Variants in SMYD2 observed in about 807,000 individuals in gnomAD.
SMYD2 encodes SET and MYND domain containing 2.
A neutral mutation model predicts 59.1 loss-of-function variants in SMYD2; 53 were observed. The observed-to-expected ratio is 0.90, with a 90% CI of 0.72 to 1.13. The LOEUF (loss-of-function observed/expected upper bound fraction) is 1.13, where lower values mean the gene tolerates loss of function less well. SMYD2 is among the 50% of genes most tolerant of loss of function. The pLI, the probability that SMYD2 is intolerant of heterozygous loss-of-function variation, is 0.00. For missense variants in SMYD2, 494 were observed against 544.7 expected (o/e 0.91, Z 0.93); for synonymous variants, 208 against 198.8 (o/e 1.05, Z -0.39).
At chr1:214,293,686 C>A (rs576740270) in intron 1 of SMYD2, among the ~76,000 whole-genome samples, 1 of 151,920 alleles carries the variant, frequency 6.6e-6, no homozygotes, top group Non-Finnish European at 1.5e-5. Flanking sequence ...CCAAATAACT[C>A]TTTTTTTGAG....
At chr1:214,284,248 G>A (rs376995808) in intron 1 of SMYD2, among the ~76,000 whole-genome samples, 8 of 130,016 alleles carry the variant, frequency 6.2e-5, no homozygotes, top group Admixed American at 4.1e-4. Context: ...ACCATTTTTT[G>A]GTGTGGTTTT....
At chr1:214,315,190 A>G (rs1273984013) in intron 3 of SMYD2, among the ~76,000 whole-genome samples, 1 of 152,206 alleles carries the variant, frequency 6.6e-6, no homozygotes, top group Non-Finnish European at 1.5e-5. Context: ...AGAGCTTCCT[A>G]GGGAACCAGA....
chr1:214,301,404 C>T (rs1486557814), intron 1 of SMYD2, among the ~76,000 whole-genome samples: 1 of 152,126 alleles, frequency 6.6e-6, no homozygotes, highest in East Asian at 1.9e-4. Flanking sequence ...GTTTACCTTG[C>T]ACTTGGAATG....
At chr1:214,326,840 C>T (rs188176185) in intron 6 of SMYD2, among the ~76,000 whole-genome samples, 1 of 152,288 alleles carries the variant, frequency 6.6e-6, no homozygotes, top group East Asian at 1.9e-4. Flanking sequence ...GCATGAGCCC[C>T]AGTTTCTGGG....
intron 10 of SMYD2, 51 bp from the exon 11 acceptor site, chr1:214,334,149 C>T (rs557658380): frequency 7.9e-5 from 121 of 1,536,546 alleles, no homozygotes; most frequent in Non-Finnish European, 9.7e-5. Context: ...GCCTGTGGGG[C>T]GGCTCAGTAG....
intron 1 of SMYD2, among the ~76,000 whole-genome samples, chr1:214,298,342 G>A (rs1043408877): frequency 1.1e-4 from 16 of 152,278 alleles, no homozygotes; most frequent in South Asian, 4.1e-4. Context: ...GGGATGACTG[G>A]CTAGCCATAT....
intron 3 of SMYD2, among the ~76,000 whole-genome samples, chr1:214,316,984 G>A (rs1657096395): frequency 6.6e-6 from 1 of 152,128 alleles, no homozygotes; most frequent in South Asian, 2.1e-4. Context: ...GGCCAAGCTG[G>A]TGTTTTATTA....
intron 2 of SMYD2, among the ~76,000 whole-genome samples, chr1:214,305,690 C>T (rs1244902442): frequency 2.7e-5 from 4 of 149,670 alleles, no homozygotes; most frequent in Non-Finnish European, 5.9e-5. Context: ...AGATGATCCC[C>T]TAGTCCAGCC....
intron 2 of SMYD2, among the ~76,000 whole-genome samples, chr1:214,307,840 C>T (rs1656938699): frequency 1.3e-5 from 2 of 152,194 alleles, no homozygotes. Context: ...ACCAATATCC[C>T]AACCTGTATG....
chr1:214,333,935 C>A lies in SMYD2; in HGVS notation c.1113-265C>A, dbSNP rs569020137. The A allele has an allele frequency of 7.1e-5, 23 of 326,234 alleles. 1 individual carries two copies. The South Asian group carries it at 1.2e-3, about 17-fold the overall frequency. The allele number at this position is 326,234 out of a possible 1,614,324, so 20.2% of individuals were successfully genotyped here. A position where few individuals can be genotyped will look rare whatever the true frequency, so the allele number is the denominator to read the frequency against. ...GGACTGGGATTGAAGATTGTGTTTA[C>A]AAATGCTTTTGAATAGGATTTCTCC... On this transcript the variant is annotated intron_variant, in intron 10 of 11. Coordinates refer to ENST00000366957, the MANE Select transcript of SMYD2 (RefSeq NM_020197.3).
At chr1:214,314,173 C>T (rs1410432941) in intron 2 of SMYD2, among the ~76,000 whole-genome samples, 1 of 149,286 alleles carries the variant, frequency 6.7e-6, no homozygotes, top group African/African-American at 2.5e-5. Flanking sequence ...GAGACTCTGT[C>T]TCAAAAAAAA....
chr1:214,290,324 G>C (rs750511419), intron 1 of SMYD2, among the ~76,000 whole-genome samples: 5 of 152,124 alleles, frequency 3.3e-5, no homozygotes, highest in Non-Finnish European at 7.4e-5. Context: ...TAAAAATAGC[G>C]TGGAACTCCT....
rs77702769 is a variant in SMYD2, at chr1:214,312,970, G to A, written c.238-1792G>A. ...CAGTGGCAGGACATTAGTCATGAGA[G>A]ATGTTGGGGCTGCAGCCGGGTAGAA... On this transcript the variant is annotated intron_variant, in intron 2 of 11. Coordinates refer to ENST00000366957, the MANE Select transcript of SMYD2 (RefSeq NM_020197.3). This position sits in a 1 kb window ranked among gnomAD's most constrained non-coding sequence, Gnocchi z 4.1. 8.0e-4 allele frequency among the ~76,000 whole-genome samples: 122 copies of A among 152,334 alleles called. No homozygotes were observed. The highest frequency in any genetic ancestry group is 2.8e-3 in the African/African-American group (117 of 41,574).
chr1:214,322,359 T>C (rs936239159), intron 5 of SMYD2, among the ~76,000 whole-genome samples: 3 of 152,202 alleles, frequency 2.0e-5, no homozygotes, highest in Admixed American at 2.0e-4. Context: ...TGGTTAATGG[T>C]TGTTAGTCAA....
intron 2 of SMYD2, among the ~76,000 whole-genome samples, chr1:214,306,933 G>T (rs1413496098): frequency 6.6e-6 from 1 of 152,178 alleles, no homozygotes; most frequent in Non-Finnish European, 1.5e-5. Context: ...TACTTTGGGG[G>T]GCCAAGGCAG....
At chr1:214,321,964 C>T (rs2102472965) in intron 5 of SMYD2, among the ~76,000 whole-genome samples, 1 of 152,246 alleles carries the variant, frequency 6.6e-6, no homozygotes, top group African/African-American at 2.4e-5. Flanking sequence ...CTTGAAGAAA[C>T]ACAAGCAGTC....
chr1:214,319,011 C>T (rs770994208), intron 5 of SMYD2, 28 bp downstream of exon 5: 3 of 1,610,980 alleles, frequency 1.9e-6, no homozygotes, highest in East Asian at 2.2e-5. Flanking sequence ...AGGTAACACT[C>T]AGTCTGGCCT....
At chr1:214,317,186 TC>T (rs1308326292) in intron 3 of SMYD2, among the ~76,000 whole-genome samples, 1 of 152,164 alleles carries the variant, frequency 6.6e-6, no homozygotes, top group African/African-American at 2.4e-5. Context: ...AGGAGGGTAG[TC>T]TGAATGCAAA....
At chr1:214,310,989 G>A (rs551646266) in intron 2 of SMYD2, among the ~76,000 whole-genome samples, 408 of 152,188 alleles carry the variant, frequency 2.7e-3, no homozygotes, top group Non-Finnish European at 4.3e-3. Context: ...CTTCAAAAAA[G>A]AAAGTGAAAC....
Sources: allele counts gnomAD v4.1 joint callset (sites outside exome capture counted in the v4.1 genomes callset), GRCh38; gene constraint gnomAD v4.1.1; non-coding constraint Gnocchi (gnomAD v3.1); transcripts MANE v1.5; gene names NCBI Gene and HGNC (gene_info 2026-07-23, HGNC 2026-07-21).